CSMD1: variants seen among roughly 807,000 people sequenced by gnomAD.
CSMD1 encodes the protein CUB and sushi domain-containing protein 1.
CSMD1 carries 213 observed loss-of-function variants against 417.5 expected under a neutral mutation model. The ratio of observed to expected loss-of-function variants is 0.51; its 90% confidence interval spans 0.46 to 0.57. CSMD1 has a LOEUF of 0.57. CSMD1 is among the 20% of genes least tolerant of loss of function. The pLI, the probability that CSMD1 is intolerant of heterozygous loss-of-function variation, is 0.00. For synonymous variants in CSMD1, 2,862 were observed against 1,736.8 expected, an observed-to-expected ratio of 1.65 and a Z score of -16.11; for missense variants, 6,923 against 4,529.7, an observed-to-expected ratio of 1.53 and a Z score of -15.17.
At chr8:4,949,919 TG>T (rs2117277398) in intron 1 of CSMD1, among the ~76,000 whole-genome samples, 1 of 152,254 alleles carries the variant, frequency 6.6e-6, no homozygotes, top group African/African-American at 2.4e-5. Flanking sequence ...CTTGAGTGTG[TG>T]TGTGTGTGTG....
At chr8:3,528,043 C>T (rs1457387072) in intron 10 of CSMD1, among the ~76,000 whole-genome samples, 2 of 152,030 alleles carry the variant, frequency 1.3e-5, no homozygotes. Flanking sequence ...GCCATTTGTC[C>T]CCTGGGTGGC....
In CSMD1 at chr8:3,725,628, G is replaced by A. The variant is rs138852282; in HGVS notation, c.932-17137C>T. Among the ~76,000 whole-genome samples the A allele has an allele frequency of 2.0e-3, 304 of 152,192 alleles. 1 individual carries two copies. The highest frequency in any genetic ancestry group is 7.0e-3 in the African/African-American group (292 of 41,536). On this transcript the variant is annotated intron_variant, in intron 6 of 69. Coordinates refer to ENST00000635120, the MANE Select transcript of CSMD1 (RefSeq NM_033225.6). ...AGAGAGAAGGTTTCAGGGAAGGAGT[G>A]ATGTCCAAGCAACAGGATGGAGTGA... is the stretch of plus-strand genomic sequence containing the variant.
chr8:3,092,557 G>A (rs1487257717), intron 47 of CSMD1, among the ~76,000 whole-genome samples: 4 of 152,090 alleles, frequency 2.6e-5, no homozygotes, highest in African/African-American at 9.6e-5. Context: ...ATAAGATGAG[G>A]GCCTAAAGTA....
intron 4 of CSMD1, among the ~76,000 whole-genome samples, chr8:4,023,583 CTTT>C (rs35976423): frequency 2.3e-5 from 3 of 130,474 alleles, no homozygotes; most frequent in African/African-American, 2.9e-5. Context: ...TGCTTTTCAA[CTTT>C]TTTTTTTTTT....
intron 3 of CSMD1, among the ~76,000 whole-genome samples, chr8:4,162,373 G>GT (rs1797225238): frequency 1.3e-5 from 2 of 152,070 alleles, no homozygotes; most frequent in South Asian, 2.1e-4. Flanking sequence ...ATGTTCAAAT[G>GT]TTTTTTGGTT....
chr8:4,019,914 T>TAAA (rs144493389), intron 4 of CSMD1, among the ~76,000 whole-genome samples: 1 of 144,246 alleles, frequency 6.9e-6, no homozygotes, highest in Non-Finnish European at 1.5e-5. Context: ...AGTAATTCAT[T>TAAA]AAAAAAAAAA....
intron 3 of CSMD1, among the ~76,000 whole-genome samples, chr8:4,127,065 T>G (rs530584263): frequency 2.1e-5 from 3 of 141,612 alleles, no homozygotes; most frequent in Non-Finnish European, 4.6e-5. Flanking sequence ...TAGCCAAAAA[T>G]CAGTCAATCT....
intron 12 of CSMD1, among the ~76,000 whole-genome samples, chr8:3,462,324 G>A (rs1245491015): frequency 1.3e-5 from 2 of 152,122 alleles, no homozygotes; most frequent in Non-Finnish European, 2.9e-5. Context: ...TTAAGGCAAG[G>A]GTTCCCAACC....
intron 1 of CSMD1, among the ~76,000 whole-genome samples, chr8:4,739,451 G>C (rs1459437932): frequency 1.1e-4 from 17 of 152,228 alleles, no homozygotes; most frequent in Non-Finnish European, 1.3e-4. Context: ...AAAAGGTCAT[G>C]TGAATATTAT....
intron 1 of CSMD1, among the ~76,000 whole-genome samples, chr8:4,642,130 C>T (rs1803231307): frequency 6.6e-6 from 1 of 152,202 alleles, no homozygotes; most frequent in South Asian, 2.1e-4. Flanking sequence ...AGGTCCAGGT[C>T]TGCAAGATGG....
intron 3 of CSMD1, among the ~76,000 whole-genome samples, chr8:4,151,817 T>A (rs1486092902): frequency 2.0e-5 from 3 of 152,312 alleles, no homozygotes; most frequent in South Asian, 2.1e-4. Context: ...TGTTCGAAGT[T>A]TTTTTATATA....
intron 18 of CSMD1, chr8:3,373,206 A>G (rs1810082153): frequency 6.6e-6 from 1 of 152,194 alleles, no homozygotes; most frequent in African/African-American, 2.4e-5. Flanking sequence ...CTCTGTCTTC[A>G]TATCATCAGG....
At chr8:3,309,222 G>A (rs1283575461) in intron 23 of CSMD1, among the ~76,000 whole-genome samples, 1 of 152,134 alleles carries the variant, frequency 6.6e-6, no homozygotes, top group Non-Finnish European at 1.5e-5. Flanking sequence ...AGGGTGCTTT[G>A]CAGAATCCTG....
chr8:4,287,635 G>C (rs1266949846), intron 3 of CSMD1, among the ~76,000 whole-genome samples: 2 of 148,582 alleles, frequency 1.3e-5, no homozygotes, highest in Non-Finnish European at 3.0e-5. Context: ...TTAAATGCTG[G>C]CTGCAGTCTC....
chr8:3,596,329 C>G (rs1318703021), intron 8 of CSMD1, among the ~76,000 whole-genome samples: 1 of 152,098 alleles, frequency 6.6e-6, no homozygotes, highest in Non-Finnish European at 1.5e-5. Flanking sequence ...CTGGAGCTAA[C>G]CAGGTACAGC....
At chr8:3,189,189 A>G (rs1306547189) in intron 34 of CSMD1, among the ~76,000 whole-genome samples, 178 bp from the exon 35 acceptor site, 2 of 152,342 alleles carry the variant, frequency 1.3e-5, no homozygotes, top group East Asian at 3.9e-4. Context: ...AATTAGCAAA[A>G]TAATTATTAC....
chr8:4,435,973 T>G (rs1404341725), intron 2 of CSMD1, among the ~76,000 whole-genome samples: 1 of 152,174 alleles, frequency 6.6e-6, no homozygotes. Flanking sequence ...CACATCACCA[T>G]CTACTTTTCT....
chr8:4,676,923 G>C (rs118187644), intron 1 of CSMD1, among the ~76,000 whole-genome samples: 2,161 of 146,462 alleles, frequency 0.015, 25 homozygotes, highest in Non-Finnish European at 0.024. Context: ...TATATACATA[G>C]AGAGAGATGA....
chr8:3,156,792 A>G (rs571959391), intron 39 of CSMD1, among the ~76,000 whole-genome samples: 1 of 152,150 alleles, frequency 6.6e-6, no homozygotes, highest in East Asian at 1.9e-4. Context: ...ATGGCTGAAT[A>G]TGGGAGCTGT....
Sources: allele counts gnomAD v4.1 joint callset (sites outside exome capture counted in the v4.1 genomes callset), GRCh38; gene constraint gnomAD v4.1.1; transcripts MANE v1.5; gene names NCBI Gene and HGNC (gene_info 2026-07-23, HGNC 2026-07-21).